CHST15: variants seen among roughly 807,000 people sequenced by gnomAD.
CHST15 encodes B cell RAG associated protein (GALNAC4S-6ST).
CHST15 carries 30 observed loss-of-function variants against 53.6 expected under a neutral mutation model. The observed-to-expected ratio is 0.56, with a 90% confidence interval of 0.42 to 0.76. The LOEUF (loss-of-function observed/expected upper bound fraction) is 0.76, where lower values mean the gene tolerates loss of function less well. CHST15 is among the 30% of genes least tolerant of loss of function. CHST15 has a pLI of 0.00. For synonymous variants in CHST15, 296 were observed against 289.8 expected (o/e 1.02, Z -0.22); for missense variants, 627 against 740.5 (o/e 0.85, Z 1.78).
At chr10:124,025,282 T>G (rs1261625839) in intron 5 of CHST15, among the ~76,000 whole-genome samples, 1 of 152,156 alleles carries the variant, frequency 6.6e-6, no homozygotes, top group Admixed American at 6.5e-5. Context: ...CCCTAGCAGG[T>G]GAAACGGCTG....
rs142630027 is a variant in CHST15, at chr10:124,036,320, T to C, written c.1190+2195A>G. Among the ~76,000 whole-genome samples the C allele has an allele frequency of 6.6e-6, 1 of 152,108 alleles. No homozygotes were observed. Among genetic ancestry groups the C allele is most frequent in the Non-Finnish European group, 1.5e-5 (1 of 68,024 alleles). Reference sequence around the variant, plus strand: ...AACACGGGAACCAGCAGGTGGGACATGGCAAGGGACGGCAAGTCAGTGCCT... The same window carrying C: ...AACACGGGAACCAGCAGGTGGGACACGGCAAGGGACGGCAAGTCAGTGCCT... On this transcript the variant is annotated intron_variant, in intron 5 of 7. Coordinates refer to ENST00000435907, the MANE Select transcript of CHST15 (RefSeq NM_001270764.2). This position sits in a 1 kb window ranked among gnomAD's most constrained non-coding sequence, Gnocchi z 5.1.
rs146261284 is a variant in CHST15, at chr10:124,049,053, G to A, written c.-512-2329C>T. ...ACAGAAAGACCTGAGGAGGCAATTC[G>A]AGATGCTGCAAGAGCCTTAGCAAAA... On this transcript the variant is annotated intron_variant, in intron 1 of 7. Transcript: ENST00000435907. Among the ~76,000 whole-genome samples the A allele has an allele frequency of 2.3e-3, 354 of 152,322 alleles. 2 individuals are homozygous for A. Among genetic ancestry groups the A allele is most frequent in the African/African-American group, 8.2e-3 (342 of 41,560 alleles).
chr10:124,086,610 C>T (rs981030093), intron 1 of CHST15, among the ~76,000 whole-genome samples: 1 of 152,240 alleles, frequency 6.6e-6, no homozygotes, highest in African/African-American at 2.4e-5. Flanking sequence ...TCTCCAACAA[C>T]AGCTGCAGTC....
chr10:124,030,416 T>C (rs1020968246), intron 5 of CHST15, among the ~76,000 whole-genome samples: 4 of 152,220 alleles, frequency 2.6e-5, no homozygotes, highest in South Asian at 2.1e-4. Flanking sequence ...CGCACTACAG[T>C]AGTCCTCACA....
At chr10:124,056,209 C>T (rs886437464) in intron 1 of CHST15, among the ~76,000 whole-genome samples, 1 of 152,148 alleles carries the variant, frequency 6.6e-6, no homozygotes, top group Non-Finnish European at 1.5e-5. Context: ...CTTCTCCAGG[C>T]CCTTGGTGCC....
intron 1 of CHST15, among the ~76,000 whole-genome samples, chr10:124,090,378 C>T (rs999520689): frequency 6.6e-6 from 1 of 152,178 alleles, no homozygotes; most frequent in African/African-American, 2.4e-5. Context: ...CCCTCTTCTC[C>T]CCAGCCCCCT....
chr10:124,061,007 C>T (rs1203123105), intron 1 of CHST15, among the ~76,000 whole-genome samples: 1 of 152,278 alleles, frequency 6.6e-6, no homozygotes, highest in Non-Finnish European at 1.5e-5. Flanking sequence ...TTTTAGACAA[C>T]GCTAAAGGTA....
At chr10:124,017,226 C>T (rs1241483880) in intron 6 of CHST15, among the ~76,000 whole-genome samples, 1 of 152,196 alleles carries the variant, frequency 6.6e-6, no homozygotes, top group Admixed American at 6.5e-5. Flanking sequence ...CCCAGCCCAG[C>T]TTAAGCCGCT....
At chr10:124,057,511 G>A (rs113401978) in intron 1 of CHST15, among the ~76,000 whole-genome samples, 15 of 152,276 alleles carry the variant, frequency 9.9e-5, no homozygotes, top group Admixed American at 2.6e-4. Context: ...GGGCTGCAGC[G>A]TGTCCGTTCG....
intron 2 of CHST15, among the ~76,000 whole-genome samples, 193 bp from the exon 3 acceptor site, chr10:124,045,112 CAAAAAAAAAAAAAAAAAAAA>C (rs758243657): frequency 3.0e-5 from 1 of 33,800 alleles, no homozygotes; most frequent in Non-Finnish European, 6.8e-5. Flanking sequence ...CGCCGCCCCA[CAAAAAAAAAAAAAAAAAAAA>C]AAAAAAAAAA....
Position 124,021,425 on chromosome 10 carries a change from T to C in CHST15, c.1191-13A>G, listed in dbSNP as rs1946784843. On this transcript the variant is annotated splice_polypyrimidine_tract_variant and intron_variant, in intron 5 of 7. Coordinates refer to ENST00000435907, the MANE Select transcript of CHST15 (RefSeq NM_001270764.2). ...GTCTGAGTACAACCTGTGAATAAAATAAATGCATATTTTTACCACCCATGA... is the reference window on the plus strand; with the variant it reads ...GTCTGAGTACAACCTGTGAATAAAACAAATGCATATTTTTACCACCCATGA... 5 of 1,600,074 alleles carry C rather than the reference T, an allele frequency of 3.1e-6. No homozygotes were observed. The highest frequency in any genetic ancestry group is 4.3e-6 in the Non-Finnish European group (5 of 1,169,954).
chr10:124,059,280 A>G (rs1360305241), intron 1 of CHST15, among the ~76,000 whole-genome samples: 1 of 152,222 alleles, frequency 6.6e-6, no homozygotes, highest in East Asian at 1.9e-4. Flanking sequence ...AAACACCTGC[A>G]ACATCAAACC....
At chr10:124,028,788 T>C (rs1396348752) in intron 5 of CHST15, among the ~76,000 whole-genome samples, 1 of 152,190 alleles carries the variant, frequency 6.6e-6, no homozygotes, top group African/African-American at 2.4e-5. Flanking sequence ...AGGGCCACCT[T>C]TGAGAAAAGA....
chr10:124,064,123 A>G (rs1207694060), intron 1 of CHST15, among the ~76,000 whole-genome samples: 1 of 152,184 alleles, frequency 6.6e-6, no homozygotes, highest in Admixed American at 6.5e-5. Flanking sequence ...TTCAGGCCTC[A>G]TTATGAAGGC....
At chr10:124,018,585 C>G (rs1946663595) in intron 6 of CHST15, among the ~76,000 whole-genome samples, 1 of 152,200 alleles carries the variant, frequency 6.6e-6, no homozygotes, top group Non-Finnish European at 1.5e-5. Context: ...CTGCTCTGAG[C>G]ATTTTATGGC....
At chr10:124,063,749 G>A (rs559215539) in intron 1 of CHST15, among the ~76,000 whole-genome samples, 7 of 152,112 alleles carry the variant, frequency 4.6e-5, no homozygotes, top group Admixed American at 2.0e-4. Context: ...ACATCTCTCC[G>A]GAGCACAGCG....
chr10:124,032,586 G>A (rs931851022), intron 5 of CHST15, among the ~76,000 whole-genome samples: 1 of 152,182 alleles, frequency 6.6e-6, no homozygotes. Context: ...GAAAAGAATA[G>A]TCTTTACCAC....
rs1402917042 is a variant in CHST15 at position 124,007,865 on chromosome 10, C to A, written c.*2284G>T. 4 of 1,232,008 alleles carry A rather than the reference C, an allele frequency of 3.2e-6. No homozygotes were observed. The East Asian group carries it at 1.3e-4, about 39-fold the overall frequency. The allele number at this position is 1,232,008 out of a possible 1,614,324, so 76.3% of individuals were successfully genotyped here. ...TCAATACCATGTTGTGAGAAATGCT[C>A]CAATTTGCTTTGGTTTTGAATGGCA... On this transcript the variant is annotated 3_prime_UTR_variant, in exon 8 of 8. Coordinates refer to ENST00000435907, the MANE Select transcript of CHST15 (RefSeq NM_001270764.2).
intron 1 of CHST15, among the ~76,000 whole-genome samples, chr10:124,057,025 A>G (rs931959292): frequency 2.6e-5 from 4 of 152,194 alleles, no homozygotes; most frequent in African/African-American, 9.7e-5. Flanking sequence ...GGTGGCTTCC[A>G]TGATAATTTG....
Sources: allele counts gnomAD v4.1 joint callset (sites outside exome capture counted in the v4.1 genomes callset), GRCh38; gene constraint gnomAD v4.1.1; non-coding constraint Gnocchi (gnomAD v3.1); transcripts MANE v1.5; gene names NCBI Gene and HGNC (gene_info 2026-07-23, HGNC 2026-07-21).